The following RALGPS1 variants were observed in gnomAD, a reference collection of about 807,000 sequenced individuals.
RALGPS1 encodes the protein Ral GEF with PH domain and SH3 binding motif 1.
In RALGPS1, 19 loss-of-function variants were observed where a neutral mutation model predicts 78.8. That is an observed-to-expected ratio of 0.24 (90% confidence interval 0.17 to 0.35). The LOEUF is 0.35. RALGPS1 is among the 10% of genes least tolerant of loss of function. RALGPS1 has a pLI of 1.00. For missense variants in RALGPS1, 454 were observed against 688.3 expected (o/e 0.66, Z 3.81); for synonymous variants, 228 against 256.3 (o/e 0.89, Z 1.06).
chr9:127,110,267 G>A (rs1440909682), intron 8 of RALGPS1, among the ~76,000 whole-genome samples: 2 of 152,136 alleles, frequency 1.3e-5, no homozygotes, highest in East Asian at 3.9e-4. Context: ...GCTGGTTCTT[G>A]ATCCTCATTA....
rs750532395 is a variant in RALGPS1 at position 127,034,578 on chromosome 9, C to T, written c.300+64C>T. 61 of 1,431,516 alleles carry T rather than the reference C, an allele frequency of 4.3e-5. No individual in the cohort carries two copies. The African/African-American group carries it at 6.6e-4, about 16-fold the overall frequency. The allele number at this position is 1,431,516 out of a possible 1,614,324, so 88.7% of individuals were successfully genotyped here. On this transcript the variant is annotated intron_variant, in intron 5 of 18. Transcript: ENST00000259351. ...ATCTGCTGCTGTCCCCTGTAGGCTG[C>T]GAGCCCCCACCCAAAGCTGTCTCCC... is the stretch of plus-strand genomic sequence containing the variant.
Position 126,962,355 on chromosome 9 carries a change from G to C in RALGPS1, c.57+9G>C. The C allele has an allele frequency of 6.2e-7, 1 of 1,614,004 alleles. No individual in the cohort carries two copies. The highest frequency in any genetic ancestry group is 8.5e-7 in the Non-Finnish European group (1 of 1,179,910). ...CCTCTGCCACTCCACAGGTACTGAGGCTGCAAGAATCGGGACAGTGGGTAG... is the reference window on the plus strand; with the variant it reads ...CCTCTGCCACTCCACAGGTACTGAGCCTGCAAGAATCGGGACAGTGGGTAG... On this transcript the variant is annotated intron_variant, in intron 2 of 18. Coordinates refer to ENST00000259351, the MANE Select transcript of RALGPS1 (RefSeq NM_014636.3).
At chr9:127,022,056 A>G (rs1347956848) in intron 4 of RALGPS1, among the ~76,000 whole-genome samples, 2 of 152,188 alleles carry the variant, frequency 1.3e-5, no homozygotes, top group Non-Finnish European at 2.9e-5. Flanking sequence ...GTTATTCTAT[A>G]GAAACTAGTA....
At chr9:126,991,135 T>A (rs1164614193) in intron 4 of RALGPS1, among the ~76,000 whole-genome samples, 1 of 152,208 alleles carries the variant, frequency 6.6e-6, no homozygotes, top group African/African-American at 2.4e-5. Flanking sequence ...TCACATTTGT[T>A]ATTTGCACAT....
intron 1 of RALGPS1, among the ~76,000 whole-genome samples, chr9:126,922,945 A>G (rs2034913157): frequency 2.6e-5 from 4 of 152,162 alleles, no homozygotes. Context: ...TTCTAGGGTA[A>G]TTGCTGGATA....
rs1449246705 is a variant in RALGPS1 at position 127,212,639 on chromosome 9, A to T, written c.1366A>T (p.Thr456Ser). Residue 456 changes from threonine (T) to serine (S), a missense_variant, in exon 16 of 19, where the codon ACC becomes TCC. Coordinates refer to ENST00000259351, the MANE Select transcript of RALGPS1 (RefSeq NM_014636.3). This position sits in a 1 kb window ranked among gnomAD's most constrained non-coding sequence, Gnocchi z 6.0. ...CCTTCCTCTGTAGCTGTCCTCGTGG[A>T]CCAGGTACTGGGTCATACTCTCAGG... ...EGRKPALSSW[T>S]RYWVILSGST... The T allele has an allele frequency of 1.9e-6, 3 of 1,610,836 alleles. No individual in the cohort carries two copies. The highest frequency in any genetic ancestry group is 2.5e-6 in the Non-Finnish European group (3 of 1,178,228).
intron 8 of RALGPS1, among the ~76,000 whole-genome samples, chr9:127,118,759 C>T (rs575574650): frequency 2.6e-5 from 4 of 152,344 alleles, no homozygotes; most frequent in African/African-American, 9.6e-5. Flanking sequence ...CAGAGCCCCT[C>T]CCCCATCTGC....
At position 127,213,012 on chromosome 9, in the gene RALGPS1, G is replaced by C; in HGVS notation, c.1515G>C (p.Glu505Asp). ...GWMVQLPDDP[E>D]HPDIFQLNNP... Reference sequence around the variant, plus strand: ...TGGTGCAGCTGCCCGATGACCCCGAGCACCCAGATATCTTCCAGCTGAACA... The same window carrying C: ...TGGTGCAGCTGCCCGATGACCCCGACCACCCAGATATCTTCCAGCTGAACA... Residue 505 changes from glutamate (E) to aspartate (D), a missense_variant, in exon 17 of 19, where the codon GAG (glutamate) becomes GAC (aspartate). By Grantham distance (45) the Glu-to-Asp change is conservative. Transcript: ENST00000259351. 1 of 1,614,242 alleles carries C rather than the reference G, an allele frequency of 6.2e-7. No individual in the cohort carries two copies. The highest frequency in any genetic ancestry group is 8.5e-7 in the Non-Finnish European group (1 of 1,180,050).
At chr9:127,165,201 G>A (rs1328156960) in intron 8 of RALGPS1, among the ~76,000 whole-genome samples, 1 of 152,196 alleles carries the variant, frequency 6.6e-6, no homozygotes, top group Non-Finnish European at 1.5e-5. Context: ...CAGTGTGGTG[G>A]GCACAATAGC....
At chr9:127,190,285 C>G (rs1414141979) in intron 11 of RALGPS1, among the ~76,000 whole-genome samples, 1 of 152,224 alleles carries the variant, frequency 6.6e-6, no homozygotes, top group East Asian at 1.9e-4. Flanking sequence ...CATTCTTTTG[C>G]AACTTACTCT....
rs117019694 is a variant in RALGPS1 at position 127,201,931 on chromosome 9, G to A, written c.1247+2865G>A. Among the ~76,000 whole-genome samples the A allele has an allele frequency of 8.8e-3, 1,343 of 152,328 alleles. 71 individuals are homozygous for A. The highest frequency in any genetic ancestry group is 0.076 in the Admixed American group (1,165 of 15,298). ...CGCACCGCTCGAGCAGACAGAGGCC[G>A]TGGAGCCAGAGCCAAGGGTGCAGGG... On this transcript the variant is annotated intron_variant, in intron 14 of 18. Transcript: ENST00000259351.
chr9:127,140,856 T>A (rs1376795393), intron 8 of RALGPS1, among the ~76,000 whole-genome samples: 1 of 152,192 alleles, frequency 6.6e-6, no homozygotes. Flanking sequence ...ATGGACAGCC[T>A]GGCTGTGCTG....
intron 8 of RALGPS1, among the ~76,000 whole-genome samples, chr9:127,134,991 G>C (rs1309097989): frequency 1.3e-5 from 2 of 152,196 alleles, no homozygotes; most frequent in African/African-American, 4.8e-5. Flanking sequence ...GTAGTGCTGA[G>C]AGGAGACAGC....
At chr9:127,201,397 T>TC (rs1434765230) in intron 14 of RALGPS1, among the ~76,000 whole-genome samples, 1 of 152,124 alleles carries the variant, frequency 6.6e-6, no homozygotes, top group Non-Finnish European at 1.5e-5. Flanking sequence ...CTGCGATGTC[T>TC]CCCCCAGTCA....
chr9:127,071,727 A>C (rs995672847), intron 8 of RALGPS1, among the ~76,000 whole-genome samples: 1 of 151,232 alleles, frequency 6.6e-6, no homozygotes, highest in African/African-American at 2.4e-5. Flanking sequence ...TATAGTTTTA[A>C]TTTTTCTTTT....
chr9:126,942,427 C>T lies in RALGPS1; in HGVS notation c.-65-19798C>T, dbSNP rs1039841851. Among the ~76,000 whole-genome samples, 38 of 152,086 alleles carry T rather than the reference C, an allele frequency of 2.5e-4. 1 individual carries two copies. The highest frequency in any genetic ancestry group is 2.1e-3 in the Admixed American group (32 of 15,272). Reference sequence around the variant, plus strand: ...ATTGAGCAAGATTTTAAACAAATTCCTCTTTTTCCCAAGTGAATAGTAAAT... The same window carrying T: ...ATTGAGCAAGATTTTAAACAAATTCTTCTTTTTCCCAAGTGAATAGTAAAT... On this transcript the variant is annotated intron_variant, in intron 1 of 18. Transcript: ENST00000259351.
chr9:127,044,979 T>A (rs1483324393), intron 5 of RALGPS1, among the ~76,000 whole-genome samples: 2 of 152,250 alleles, frequency 1.3e-5, no homozygotes, highest in East Asian at 3.8e-4. Flanking sequence ...TTTCCTTTTT[T>A]GACATTCTGG....
At chr9:127,097,902 TTTC>T (rs1269143617) in intron 8 of RALGPS1, among the ~76,000 whole-genome samples, 1 of 152,196 alleles carries the variant, frequency 6.6e-6, no homozygotes, top group Admixed American at 6.5e-5. Context: ...TGAGCCTCAA[TTTC>T]TTCTTCTGTG....
intron 4 of RALGPS1, among the ~76,000 whole-genome samples, chr9:126,982,886 C>G (rs2041407530): frequency 7.1e-6 from 1 of 140,818 alleles, no homozygotes; most frequent in Admixed American, 7.4e-5. Flanking sequence ...CTTCCCCTTC[C>G]CCTTCTTCTC....
Sources: gnomAD v4.1 joint callset for allele counts (sites outside exome capture counted in the v4.1 genomes callset) on GRCh38, gnomAD v4.1.1 for gene constraint, Gnocchi (gnomAD v3.1) non-coding constraint, MANE v1.5 for transcripts, NCBI Gene and HGNC (gene_info 2026-07-23, HGNC 2026-07-21) for gene names.